MYO1F: variants seen among roughly 807,000 people sequenced by gnomAD.
MYO1F encodes myosin IF.
Under a neutral mutation model 146.6 loss-of-function variants are expected in MYO1F, and 60 were observed. That is an observed-to-expected ratio of 0.41 (90% CI 0.33 to 0.51). MYO1F has a LOEUF of 0.51. MYO1F is among the 20% of genes least tolerant of loss of function. MYO1F has a pLI of 0.25. For synonymous variants in MYO1F, 602 were observed against 602.1 expected, an observed-to-expected ratio of 1.00 and a Z score of 0.00; for missense variants, 1,274 against 1,534.3, an observed-to-expected ratio of 0.83 and a Z score of 2.83.
chr19:8,571,181 G>A (rs540414822), intron 1 of MYO1F, among the ~76,000 whole-genome samples: 1 of 152,302 alleles, frequency 6.6e-6, no homozygotes, highest in South Asian at 2.1e-4. Flanking sequence ...GGTCCTGCGA[G>A]CTGTGGTTGC....
chr19:8,546,275 G>T (rs1430873791), intron 12 of MYO1F, among the ~76,000 whole-genome samples: 1 of 151,618 alleles, frequency 6.6e-6, no homozygotes, highest in Non-Finnish European at 1.5e-5. Flanking sequence ...TGTTGGTCAG[G>T]CTGGTCTCGA....
chr19:8,550,006 C>T, intron 10 of MYO1F, 154 bp downstream of exon 10: 1 of 832,518 alleles, frequency 1.2e-6, no homozygotes, highest in Non-Finnish European at 1.9e-6. Flanking sequence ...TGCTATGTTG[C>T]CCAGGCTGGT....
chr19:8,575,233 C>T (rs2042218308), intron 1 of MYO1F, among the ~76,000 whole-genome samples: 1 of 151,820 alleles, frequency 6.6e-6, no homozygotes, highest in Non-Finnish European at 1.5e-5. Context: ...TGTGCCACCA[C>T]ACCCAGCTCA....
At chr19:8,531,280 G>A (rs1476960712) in intron 19 of MYO1F, among the ~76,000 whole-genome samples, 2 of 152,132 alleles carry the variant, frequency 1.3e-5, no homozygotes, top group East Asian at 3.9e-4. Context: ...CTGGGAGTTG[G>A]AGGTTGCGGT....
intron 12 of MYO1F, 119 bp from the exon 13 acceptor site, chr19:8,545,855 G>T (rs530525027): frequency 2.5e-6 from 2 of 786,522 alleles, no homozygotes; most frequent in East Asian, 5.0e-5. Context: ...AACAAAGCCC[G>T]TCACTCCTAT....
At chr19:8,565,427 A>G (rs890374921) in intron 1 of MYO1F, among the ~76,000 whole-genome samples, 3 of 151,988 alleles carry the variant, frequency 2.0e-5, no homozygotes, top group Non-Finnish European at 4.4e-5. Flanking sequence ...CTGTAATCCC[A>G]GCTACTCGGG....
chr19:8,558,088 T>C (rs891782589), intron 1 of MYO1F, among the ~76,000 whole-genome samples: 3 of 152,136 alleles, frequency 2.0e-5, no homozygotes, highest in Non-Finnish European at 4.4e-5. Context: ...TCCCTTCACC[T>C]TGCCCCTCAG....
intron 1 of MYO1F, among the ~76,000 whole-genome samples, chr19:8,564,907 G>T (rs547931031): frequency 2.4e-4 from 36 of 152,116 alleles, no homozygotes; most frequent in South Asian, 1.2e-3. Flanking sequence ...CAAGTAACTG[G>T]AATTACAGGC....
Position 8,551,733 on chromosome 19 carries a change from T to C in MYO1F, c.771+7A>G. ...GGCCGGGGACTGGAGTAGAGGCCGGTGCTCACCAGAGTCTCACCAAAGTCG... is the reference window on the plus strand; with the variant it reads ...GGCCGGGGACTGGAGTAGAGGCCGGCGCTCACCAGAGTCTCACCAAAGTCG... On this transcript the variant is annotated splice_region_variant and intron_variant, in intron 8 of 27. Transcript: ENST00000644032. 6.2e-7 allele frequency: 1 copy of C among 1,614,090 alleles called. No homozygotes were observed. The highest frequency in any genetic ancestry group is 8.5e-7 in the Non-Finnish European group (1 of 1,180,008).
At chr19:8,536,189 C>G in intron 19 of MYO1F, 63 bp downstream of exon 19, 2 of 1,548,714 alleles carry the variant, frequency 1.3e-6, no homozygotes, top group Non-Finnish European at 8.8e-7. Context: ...CTCTCTCAGT[C>G]CCTCTCTATA....
intron 19 of MYO1F, among the ~76,000 whole-genome samples, chr19:8,533,244 G>A (rs962643185): frequency 7.2e-5 from 11 of 152,012 alleles, no homozygotes; most frequent in East Asian, 3.9e-4. Context: ...GTCCAGACTC[G>A]TCTGGAACTC....
chr19:8,544,425 C>T lies in MYO1F; in HGVS notation c.1396G>A (p.Ala466Thr), dbSNP rs761238426. 28 of 1,612,160 alleles carry T rather than the reference C, an allele frequency of 1.7e-5. No individual in the cohort carries two copies. Among genetic ancestry groups the T allele is most frequent in the East Asian group, 2.2e-5 (1 of 44,850 alleles). Residue 466 changes from alanine (A) to threonine (T), a missense_variant, in exon 14 of 28, where the codon GCC (alanine) becomes ACC (threonine). By Grantham distance (58) the Ala-to-Thr change is moderately conservative. Coordinates refer to ENST00000644032, the MANE Select transcript of MYO1F (RefSeq NM_012335.4). The stretch of plus-strand genomic sequence containing the variant: ...CCCCCGCCCGTGGCGTGCATGGTGG[C>T]GCACACGTCGTCCAAGACGCTCATG... ...GIMSVLDDVC[A>T]TMHATGGGAD...
chr19:8,537,285 C>G (rs1972768817), intron 16 of MYO1F, among the ~76,000 whole-genome samples: 1 of 152,236 alleles, frequency 6.6e-6, no homozygotes, highest in South Asian at 2.1e-4. Context: ...GAACCCAAGA[C>G]AAGGAGCTCT....
intron 14 of MYO1F, 64 bp from the exon 15 acceptor site, chr19:8,542,055 G>A (rs1465490956): frequency 7.6e-7 from 1 of 1,307,714 alleles, no homozygotes; most frequent in Non-Finnish European, 1.1e-6. Context: ...GTGGGCGTGG[G>A]GTGCTTACAG....
intron 14 of MYO1F, chr19:8,543,921 GTGGTGGTGGTGGTGGTGCTGGTGGTGC>G: frequency 4.1e-6 from 1 of 244,782 alleles, no homozygotes; most frequent in Non-Finnish European, 7.2e-6. Context: ...GGTGGTGGTG[GTGGTGGTGGTGGTGGTGCTGGTGGTGC>G]TGGTGGTGGT....
chr19:8,574,138 C>T (rs189346453), intron 1 of MYO1F, among the ~76,000 whole-genome samples: 2 of 152,178 alleles, frequency 1.3e-5, no homozygotes, highest in East Asian at 3.9e-4. Context: ...GAAAACAATC[C>T]ACCACCAACG....
intron 25 of MYO1F, among the ~76,000 whole-genome samples, chr19:8,524,582 CAAA>C (rs35275313): frequency 3.4e-4 from 45 of 132,026 alleles, no homozygotes; most frequent in Admixed American, 6.9e-4. Flanking sequence ...GAGACTGTCT[CAAA>C]AAAAAAAAAA....
intron 25 of MYO1F, chr19:8,525,126 G>A (rs558844738): frequency 9.6e-6 from 2 of 208,456 alleles, no homozygotes; most frequent in South Asian, 2.0e-4. Context: ...CTTGAATCCA[G>A]GAGGTGAAGG....
At chr19:8,569,254 G>A (rs927090585) in intron 1 of MYO1F, among the ~76,000 whole-genome samples, 3 of 152,036 alleles carry the variant, frequency 2.0e-5, no homozygotes, top group African/African-American at 4.8e-5. Flanking sequence ...GGGATGCAAC[G>A]AAGAGCTTGT....
Sources: allele counts gnomAD v4.1 joint callset (sites outside exome capture counted in the v4.1 genomes callset), GRCh38; gene constraint gnomAD v4.1.1; transcripts MANE v1.5; gene names NCBI Gene and HGNC (gene_info 2026-07-23, HGNC 2026-07-21).